SDHA: variants seen among roughly 807,000 people sequenced by gnomAD.
SDHA encodes the protein succinate dehydrogenase complex flavoprotein subunit A, also known as succinate dehydrogenase [ubiquinone] flavoprotein subunit, mitochondrial.
Under a neutral mutation model 78.4 loss-of-function variants are expected in SDHA, and 48 were observed. That is an observed-to-expected ratio of 0.61 (90% CI 0.49 to 0.78). The LOEUF (loss-of-function observed/expected upper bound fraction) is 0.78, where lower values mean the gene tolerates loss of function less well. Ranked by LOEUF, SDHA falls within the 30% of genes least tolerant of loss-of-function variation. SDHA has a pLI of 0.00. For missense variants in SDHA, 680 were observed against 892.7 expected, an observed-to-expected ratio of 0.76 and a Z score of 3.04; for synonymous variants, 326 against 353.9, an observed-to-expected ratio of 0.92 and a Z score of 0.88.
chr5:227,982 C>G (rs2126557266), intron 5 of SDHA: 2 of 584,094 alleles, frequency 3.4e-6, no homozygotes, highest in Non-Finnish European at 6.1e-6. Context: ...GCTGCGTTCT[C>G]TAGCACACCT....
the SDHA span, among the ~76,000 whole-genome samples, chr5:264,968 G>A: frequency 2.0e-5 from 3 of 152,308 alleles, no homozygotes; most frequent in East Asian, 5.8e-4. Flanking sequence ...AGCACTTTGG[G>A]AGGCCGAGGT....
rs778297896 is a variant in SDHA at position 233,563 on chromosome 5, G to C, written c.982G>C (p.Glu328Gln). 1.2e-6 allele frequency: 2 copies of C among 1,614,222 alleles called. No homozygotes were observed. The highest frequency in any genetic ancestry group is 1.7e-5 in the Admixed American group (1 of 60,028). ...TAACAGTCAAGGCGAAAGGTTTATG[G>C]AGCGATACGCCCCTGTCGCGAAGGA... Reference protein sequence around the residue: ...LINSQGERFMERYAPVAKDLA... With the variant: ...LINSQGERFMQRYAPVAKDLA... The change falls in exon 8 of 15, where the codon GAG becomes CAG. Residue 328 changes from glutamate (E) to glutamine (Q), a missense_variant. Coordinates refer to ENST00000264932, the MANE Select transcript of SDHA (RefSeq NM_004168.4).
chr5:234,909 G>A, intron 8 of SDHA: 1 of 586,224 alleles, frequency 1.7e-6, no homozygotes, highest in East Asian at 3.0e-5. Context: ...ACGAGCGTGA[G>A]TTTAGTGAGG....
chr5:237,880 T>C (rs1735879687), intron 10 of SDHA, among the ~76,000 whole-genome samples: 2 of 136,772 alleles, frequency 1.5e-5, no homozygotes, highest in African/African-American at 3.4e-5. Context: ...AGAGCTGGCG[T>C]CTCATCCCCA....
At chr5:254,740 G>A (rs1737069345) in intron 14 of SDHA, among the ~76,000 whole-genome samples, 1 of 152,132 alleles carries the variant, frequency 6.6e-6, no homozygotes, top group South Asian at 2.1e-4. Context: ...GTTGCTCCGT[G>A]GTGTGCGCCA....
In SDHA at chr5:225,582, G is replaced by C. The variant is rs193283468; in HGVS notation, c.456+20G>C. The C allele has an allele frequency of 6.6e-3, 10,662 of 1,613,874 alleles. 82 individuals carry two copies. Among genetic ancestry groups the C allele is most frequent in the South Asian group, 0.02 (1,862 of 91,074 alleles). ...GTCGAGGTGATGGGCGGGAGGCTCT[G>C]GGTGTTCTCGTGGTCTGTTTCTAGT... is the stretch of plus-strand genomic sequence containing the variant. On this transcript the variant is annotated intron_variant, in intron 4 of 14. Coordinates refer to ENST00000264932, the MANE Select transcript of SDHA (RefSeq NM_004168.4).
rs1219265195 is a variant in SDHA, at chr5:225,520, C to T, written c.414C>T (p.Ala138=). 3 of 1,613,882 alleles carry T rather than the reference C, an allele frequency of 1.9e-6. No homozygotes were observed. Among genetic ancestry groups the T allele is most frequent in the South Asian group, 2.2e-5 (2 of 91,066 alleles). ...KGSDWLGDQD[A]IHYMTEQAPA... Reference sequence around the variant, plus strand: ...CCGACTGGCTGGGGGACCAGGATGCCATCCACTACATGACGGAGCAGGCCC... The same window carrying T: ...CCGACTGGCTGGGGGACCAGGATGCTATCCACTACATGACGGAGCAGGCCC... The change falls in exon 4 of 15, where the codon GCC becomes GCT. Residue 138 remains alanine (A), a synonymous_variant. Transcript: ENST00000264932.
At chr5:240,320 G>C in intron 10 of SDHA, 38 bp from the exon 11 acceptor site, 1 of 1,394,338 alleles carries the variant, frequency 7.2e-7, no homozygotes, top group East Asian at 2.3e-5. Context: ...TTTTAAAACG[G>C]TTTTCAAAAG....
intron 11 of SDHA, among the ~76,000 whole-genome samples, chr5:243,131 G>T (rs936773563): frequency 6.6e-6 from 1 of 152,178 alleles, no homozygotes; most frequent in African/African-American, 2.4e-5. Flanking sequence ...AGATGAGAGG[G>T]TGATTTAGAG....
At position 256,677 on chromosome 5, in the gene SDHA, A is replaced by C. The variant is rs1191344039; in HGVS notation, c.*257A>C. 2.1e-6 allele frequency: 1 copy of C among 471,384 alleles called. No individual in the cohort carries two copies. Among genetic ancestry groups the C allele is most frequent in the Non-Finnish European group, 3.8e-6 (1 of 264,974 alleles). The allele number at this position is 471,384 out of a possible 1,614,324, so 29.2% of individuals were successfully genotyped here. On this transcript the variant is annotated 3_prime_UTR_variant, in exon 15 of 15. Coordinates refer to ENST00000264932, the MANE Select transcript of SDHA (RefSeq NM_004168.4). Reference sequence around the variant, plus strand: ...ACAGCTCTTAAATAAAATATAAATGAACAAACTTTCTTTTATTTCCAAATC... The same window carrying C: ...ACAGCTCTTAAATAAAATATAAATGCACAAACTTTCTTTTATTTCCAAATC...
intron 14 of SDHA, among the ~76,000 whole-genome samples, chr5:255,576 A>G (rs1737132676): frequency 6.6e-6 from 1 of 151,602 alleles, no homozygotes; most frequent in Admixed American, 6.6e-5. Context: ...CTCCCACCTC[A>G]GCTTCCTGGG....
intron 7 of SDHA, 91 bp downstream of exon 7, chr5:231,091 G>T (rs1735370298): frequency 1.0e-5 from 15 of 1,443,916 alleles, no homozygotes; most frequent in African/African-American, 1.4e-5. Flanking sequence ...ATAGTTTTAT[G>T]TAATAACATG....
chr5:257,543 C>T (rs1561017999), downstream of SDHA, among the ~76,000 whole-genome samples: 7 of 140,384 alleles, frequency 5.0e-5, no homozygotes, highest in Non-Finnish European at 1.1e-4. Flanking sequence ...TGTGTGAGCT[C>T]CGCGCCCTGC....
intron 11 of SDHA, among the ~76,000 whole-genome samples, chr5:241,845 A>G (rs1405782731): frequency 6.6e-6 from 1 of 152,254 alleles, no homozygotes; most frequent in Non-Finnish European, 1.5e-5. Context: ...AATGGTGAGA[A>G]GAACAGTGTG....
intron 9 of SDHA, chr5:236,144 C>T: frequency 6.8e-6 from 3 of 440,312 alleles, no homozygotes; most frequent in Non-Finnish European, 1.3e-5. Flanking sequence ...TCCGCCTCAG[C>T]CTCCCTAGTA....
intron 13 of SDHA, chr5:253,194 C>T (rs576099759): frequency 1.5e-4 from 23 of 152,332 alleles, no homozygotes; most frequent in African/African-American, 4.1e-4. Context: ...ACAAGGCAGG[C>T]GCACAGGCTG....
At chr5:254,352 T>A in intron 13 of SDHA, 41 bp from the exon 14 acceptor site, 1 of 1,543,834 alleles carries the variant, frequency 6.5e-7, no homozygotes, top group Non-Finnish European at 8.8e-7. Context: ...TGTATTGCTC[T>A]GTTAGAGTAA....
chr5:243,656 A>C (rs530050832), intron 11 of SDHA, among the ~76,000 whole-genome samples: 2 of 152,228 alleles, frequency 1.3e-5, no homozygotes, highest in Non-Finnish European at 2.9e-5. Context: ...GCTCGGTTAC[A>C]GGAGTCTCTT....
intron 11 of SDHA, among the ~76,000 whole-genome samples, chr5:248,031 TATC>T (rs1246028565): frequency 6.6e-6 from 1 of 152,262 alleles, no homozygotes; most frequent in African/African-American, 2.4e-5. Flanking sequence ...GGCCAGATCT[TATC>T]AGCAGCTGAA....
Sources: gnomAD v4.1 joint callset for allele counts (sites outside exome capture counted in the v4.1 genomes callset) on GRCh38, gnomAD v4.1.1 for gene constraint, MANE v1.5 for transcripts, NCBI Gene and HGNC (gene_info 2026-07-23, HGNC 2026-07-21) for gene names.